Variants in HHAT observed in about 807,000 individuals in gnomAD.
The protein encoded by HHAT is hedgehog acyltransferase, also known as protein-cysteine N-palmitoyltransferase HHAT.
Under a neutral mutation model 70.8 loss-of-function variants are expected in HHAT, and 47 were observed. That is an observed-to-expected ratio of 0.66 (90% CI 0.53 to 0.85). The LOEUF (loss-of-function observed/expected upper bound fraction) is 0.85, where lower values mean the gene tolerates loss of function less well. Among genes scored for constraint, HHAT ranks in the 40% least tolerant of loss-of-function variants. HHAT has a pLI of 0.00. For missense variants in HHAT, 609 were observed against 604.8 expected, an observed-to-expected ratio of 1.01 and a Z score of -0.07; for synonymous variants, 228 against 247.6, an observed-to-expected ratio of 0.92 and a Z score of 0.74.
chr1:210,350,255 A>G (rs2086895658), intron 2 of HHAT, among the ~76,000 whole-genome samples: 1 of 152,244 alleles, frequency 6.6e-6, no homozygotes, highest in Non-Finnish European at 1.5e-5. Context: ...ATTGGAAGCA[A>G]TCAAGATGTC....
intron 2 of HHAT, among the ~76,000 whole-genome samples, chr1:210,357,173 T>C (rs2087724548): frequency 6.6e-6 from 1 of 152,216 alleles, no homozygotes. Flanking sequence ...TTGTAGCCTA[T>C]CCCTTCCTCC....
At chr1:210,596,016 T>C (rs964411235) in intron 10 of HHAT, among the ~76,000 whole-genome samples, 2 of 152,240 alleles carry the variant, frequency 1.3e-5, no homozygotes, top group African/African-American at 4.8e-5. Flanking sequence ...CCATTGCTTT[T>C]GGTGTTTTAG....
intron 11 of HHAT, among the ~76,000 whole-genome samples, chr1:210,624,040 A>G (rs1280807749): frequency 2.6e-5 from 4 of 152,104 alleles, no homozygotes; most frequent in African/African-American, 7.2e-5. Flanking sequence ...TTAATCCCCA[A>G]TTGGCATTAT....
chr1:210,667,467 T>C (rs1679165116), intron 11 of HHAT, among the ~76,000 whole-genome samples: 1 of 152,212 alleles, frequency 6.6e-6, no homozygotes, highest in East Asian at 1.9e-4. Context: ...CCCAAGACAT[T>C]GCAATGCTTA....
chr1:210,388,447 A>G (rs1292558230), intron 4 of HHAT, among the ~76,000 whole-genome samples: 3 of 152,190 alleles, frequency 2.0e-5, no homozygotes, highest in African/African-American at 2.4e-5. Context: ...AACTTGGGCC[A>G]GTTTCTGACT....
At chr1:210,344,613 GAATTCA>G (rs2086344726) in intron 1 of HHAT, among the ~76,000 whole-genome samples, 2 of 152,202 alleles carry the variant, frequency 1.3e-5, no homozygotes, top group South Asian at 4.2e-4. Context: ...CCCAAATTTG[GAATTCA>G]AATTCAACAA....
chr1:210,431,451 A>G (rs1259195741), intron 7 of HHAT, among the ~76,000 whole-genome samples: 1 of 151,906 alleles, frequency 6.6e-6, no homozygotes, highest in East Asian at 1.9e-4. Context: ...TTTTCCAAAC[A>G]GCTCAAGTAT....
intron 8 of HHAT, among the ~76,000 whole-genome samples, chr1:210,483,885 T>C (rs1032088370): frequency 1.3e-5 from 2 of 152,200 alleles, no homozygotes; most frequent in African/African-American, 4.8e-5. Flanking sequence ...GATAAATCGA[T>C]TTTTGCCACA....
chr1:210,595,771 G>A (rs1432171585), intron 10 of HHAT, among the ~76,000 whole-genome samples: 1 of 152,176 alleles, frequency 6.6e-6, no homozygotes, highest in Non-Finnish European at 1.5e-5. Context: ...CTTCTTTTGA[G>A]AAGTGTCTAT....
intron 11 of HHAT, among the ~76,000 whole-genome samples, chr1:210,670,984 G>A (rs1679957983): frequency 6.6e-6 from 1 of 152,092 alleles, no homozygotes; most frequent in Admixed American, 6.6e-5. Flanking sequence ...GTAAGAATGG[G>A]GAGAATTTTC....
At chr1:210,616,158 A>T (rs942358793) in intron 10 of HHAT, among the ~76,000 whole-genome samples, 3 of 152,240 alleles carry the variant, frequency 2.0e-5, no homozygotes, top group African/African-American at 7.2e-5. Context: ...GCAAATTAAC[A>T]TGCACTACCT....
At chr1:210,415,737 C>A (rs1462547782) in intron 6 of HHAT, among the ~76,000 whole-genome samples, 3 of 152,036 alleles carry the variant, frequency 2.0e-5, no homozygotes, top group African/African-American at 7.2e-5. Context: ...CAGCTCATTG[C>A]AATTTCTGCC....
At chr1:210,467,070 C>G (rs2094122841) in intron 8 of HHAT, among the ~76,000 whole-genome samples, 1 of 152,114 alleles carries the variant, frequency 6.6e-6, no homozygotes, top group African/African-American at 2.4e-5. Flanking sequence ...CTGGGAGTGA[C>G]CTAGACTTTT....
At chr1:210,490,670 C>T (rs757436905) in intron 8 of HHAT, among the ~76,000 whole-genome samples, 26 of 152,140 alleles carry the variant, frequency 1.7e-4, no homozygotes, top group Non-Finnish European at 1.8e-4. Context: ...ACAAAGGGAA[C>T]GAAAGACATA....
rs756717954 is a variant in HHAT, at chr1:210,623,718, G to A, written c.1390+48G>A. ...TTTCAGTCAGTTTCTTGTTTTCCAT[G>A]TATGCGGATGGGATCATACATGGGA... On this transcript the variant is annotated intron_variant, in intron 11 of 11. Transcript: ENST00000261458. 4.7e-5 allele frequency: 74 copies of A among 1,583,550 alleles called. No homozygotes were observed. In the East Asian group the frequency reaches 1.6e-3, roughly 35 times the overall value.
intron 9 of HHAT, among the ~76,000 whole-genome samples, chr1:210,572,856 A>G (rs1050540333): frequency 5.3e-5 from 8 of 152,218 alleles, no homozygotes; most frequent in African/African-American, 1.9e-4. Flanking sequence ...TGATTGCACC[A>G]GTACATTCCA....
At chr1:210,603,253 T>G (rs555109600) in intron 10 of HHAT, among the ~76,000 whole-genome samples, 1 of 152,218 alleles carries the variant, frequency 6.6e-6, no homozygotes, top group East Asian at 1.9e-4. Flanking sequence ...GAACGAGTAC[T>G]GAGCCAAAGA....
At chr1:210,649,192 T>A (rs939115247) in intron 11 of HHAT, among the ~76,000 whole-genome samples, 2 of 152,230 alleles carry the variant, frequency 1.3e-5, no homozygotes, top group African/African-American at 4.8e-5. Context: ...GATACATGGC[T>A]GTCTTCAGAT....
At chr1:210,536,289 C>CT (rs1286221464) in intron 9 of HHAT, among the ~76,000 whole-genome samples, 1 of 152,220 alleles carries the variant, frequency 6.6e-6, no homozygotes, top group Non-Finnish European at 1.5e-5. Flanking sequence ...TCTCTGATGC[C>CT]TGTTGTTCCC....
Sources: gnomAD v4.1 joint callset for allele counts (sites outside exome capture counted in the v4.1 genomes callset) on GRCh38, gnomAD v4.1.1 for gene constraint, MANE v1.5 for transcripts, NCBI Gene and HGNC (gene_info 2026-07-23, HGNC 2026-07-21) for gene names.